Variants in CERS4 observed in about 807,000 individuals in gnomAD.
CERS4 encodes LAG1 homolog, ceramide synthase 4.
A neutral mutation model predicts 51.8 loss-of-function variants in CERS4; 65 were observed. The observed-to-expected ratio is 1.26, with a 90% CI of 1.03 to 1.54. CERS4 has a LOEUF of 1.54. CERS4 is among the 40% of genes most tolerant of loss of function. The probability of loss-of-function intolerance (pLI) is 0.00; values close to 1 mark genes in which losing one functional copy is unlikely to be tolerated. For synonymous variants in CERS4, 228 were observed against 208.4 expected, an observed-to-expected ratio of 1.09 and a Z score of -0.81; for missense variants, 563 against 500.4, an observed-to-expected ratio of 1.13 and a Z score of -1.19.
intron 2 of CERS4, among the ~76,000 whole-genome samples, chr19:8,228,886 T>C (rs1295804806): frequency 6.7e-6 from 1 of 148,772 alleles, no homozygotes; most frequent in African/African-American, 2.5e-5. Flanking sequence ...TAGCTGGGCA[T>C]AGGGGCACAT....
chr19:8,227,500 C>T (rs2145198928), intron 2 of CERS4, among the ~76,000 whole-genome samples: 1 of 151,996 alleles, frequency 6.6e-6, no homozygotes, highest in African/African-American at 2.4e-5. Flanking sequence ...GGCCACCACG[C>T]CTAGCTAATT....
At chr19:8,256,145 T>C in intron 6 of CERS4, 91 bp from the exon 7 acceptor site, 1 of 1,347,408 alleles carries the variant, frequency 7.4e-7, no homozygotes, top group South Asian at 1.3e-5. Context: ...AGCATCTATG[T>C]GACTGTGGAA....
At chr19:8,256,918 C>T (rs201571523) in intron 8 of CERS4, 31 bp from the exon 9 acceptor site, 3 of 1,613,904 alleles carry the variant, frequency 1.9e-6, no homozygotes, top group East Asian at 2.2e-5. Flanking sequence ...CATCAAGCCT[C>T]GTCCCCACTA....
chr19:8,218,162 A>G (rs568279638), intron 2 of CERS4, among the ~76,000 whole-genome samples: 1 of 151,678 alleles, frequency 6.6e-6, no homozygotes, highest in African/African-American at 2.4e-5. Context: ...ATGAGGTTTC[A>G]CCATATTGGC....
In CERS4 at chr19:8,210,284, C is replaced by T. The variant is rs1190494133; in HGVS notation, c.-158-422C>T. The stretch of plus-strand genomic sequence containing the variant: ...ACTTGGAAGGGGGCTTCTGGCTTGA[C>T]CTGGCTGGAAGGTGTGATAGGAAGT... On this transcript the variant is annotated intron_variant, in intron 1 of 11. Coordinates refer to ENST00000251363, the MANE Select transcript of CERS4 (RefSeq NM_024552.3). This position sits in a 1 kb window ranked among gnomAD's most constrained non-coding sequence, Gnocchi z 4.2. Among the ~76,000 whole-genome samples the T allele has an allele frequency of 6.6e-6, 1 of 152,140 alleles. No homozygotes were observed. The highest frequency in any genetic ancestry group is 1.5e-5 in the Non-Finnish European group (1 of 68,024).
At chr19:8,222,186 A>AT (rs1010978121) in intron 2 of CERS4, 9 of 136,780 alleles carry the variant, frequency 6.6e-5, no homozygotes, top group South Asian at 2.3e-4. Context: ...GGCCCTATTT[A>AT]TTTTTTTTTG....
At chr19:8,221,336 G>A (rs1384347116) in intron 2 of CERS4, among the ~76,000 whole-genome samples, 1 of 152,054 alleles carries the variant, frequency 6.6e-6, no homozygotes, top group Non-Finnish European at 1.5e-5. Context: ...TGGAGTGCCC[G>A]AGGGCCTGGG....
At chr19:8,209,533 GC>G (rs1171652044) in intron 1 of CERS4, 39 bp downstream of exon 1, 3 of 151,798 alleles carry the variant, frequency 2.0e-5, no homozygotes, top group African/African-American at 7.3e-5. Flanking sequence ...CGCCCCGAAC[GC>G]CACCCTCACG....
chr19:8,258,102 CAGG>C, intron 10 of CERS4, 117 bp downstream of exon 10: 2 of 805,146 alleles, frequency 2.5e-6, no homozygotes, highest in Non-Finnish European at 2.1e-6. Flanking sequence ...GGGAGAGTTC[CAGG>C]AGGAGGCAGG....
At chr19:8,215,519 G>C (rs1967263358) in intron 2 of CERS4, among the ~76,000 whole-genome samples, 1 of 151,796 alleles carries the variant, frequency 6.6e-6, no homozygotes, top group Non-Finnish European at 1.5e-5. Flanking sequence ...GTGTGTCTGG[G>C]GGATGGGCCA....
intron 2 of CERS4, among the ~76,000 whole-genome samples, chr19:8,243,067 G>A (rs1379755101): frequency 6.6e-6 from 1 of 151,680 alleles, no homozygotes; most frequent in Admixed American, 6.6e-5. Flanking sequence ...GGGTCTCTGA[G>A]AAAGCTGCAC....
chr19:8,219,084 G>C (rs1476180841), intron 2 of CERS4, among the ~76,000 whole-genome samples: 1 of 152,184 alleles, frequency 6.6e-6, no homozygotes, highest in Non-Finnish European at 1.5e-5. Context: ...GCGGGCGCCT[G>C]TATTCCCAGC....
At chr19:8,226,997 G>A (rs1266551263) in intron 2 of CERS4, among the ~76,000 whole-genome samples, 1 of 152,068 alleles carries the variant, frequency 6.6e-6, no homozygotes, top group Non-Finnish European at 1.5e-5. Context: ...ATGTGGTGGT[G>A]CATGCCTGTA....
intron 2 of CERS4, among the ~76,000 whole-genome samples, chr19:8,240,742 TCTG>T (rs1358399428): frequency 6.6e-6 from 1 of 152,108 alleles, no homozygotes; most frequent in South Asian, 2.1e-4. Flanking sequence ...ATAGCTCTGA[TCTG>T]CTGAGCAGTG....
rs1969265754 is a variant in CERS4, at chr19:8,254,517, G to C, written c.192G>C (p.Leu64=). 1 of 1,613,642 alleles carries C rather than the reference G, an allele frequency of 6.2e-7. No individual in the cohort carries two copies. Among genetic ancestry groups the C allele is most frequent in the Non-Finnish European group, 8.5e-7 (1 of 1,179,970 alleles). The change falls in exon 4 of 12, where the codon CTG becomes CTC. Residue 64 remains leucine (L), a synonymous_variant. Transcript: ENST00000251363. The part of the protein sequence containing the change: ...LAFERFIGLP[L]SRWLGVRDQT... The stretch of plus-strand genomic sequence containing the variant: ...CACCCAGATTCATTGGCCTGCCCCT[G>C]AGCCGGTGGCTGGGTGTGAGGGATC...
At position 8,245,123 on chromosome 19, in the gene CERS4, A is replaced by AAAACAAAAAAAAACAAAAAAAAAC. The variant is rs1568523481; in HGVS notation, c.-1-5950_-1-5949insCAAAAAAAAACAAAAAAAAACAAA. Among the ~76,000 whole-genome samples, 117 of 58,322 alleles carry AAAACAAAAAAAAACAAAAAAAAAC rather than the reference A, an allele frequency of 2.0e-3. 3 individuals are homozygous for AAAACAAAAAAAAACAAAAAAAAAC. The highest frequency in any genetic ancestry group is 9.6e-3 in the Middle Eastern group (1 of 104). 38.3% of individuals were successfully genotyped at this position (58,322 alleles called of 152,430 possible). A position where few individuals can be genotyped will look rare whatever the true frequency, so the allele number is the denominator to read the frequency against. ...CGAGACTCCATCTCAAAAAAAAAAA[A>AAAACAAAAAAAAACAAAAAAAAAC]AAAAAAAAAAAACACTCTTGGCTTC... On this transcript the variant is annotated intron_variant, in intron 2 of 11. Transcript: ENST00000251363.
chr19:8,260,812 G>T (rs1023083691), intron 10 of CERS4, among the ~76,000 whole-genome samples: 13 of 151,788 alleles, frequency 8.6e-5, no homozygotes, highest in Admixed American at 3.3e-4. Flanking sequence ...TTAGCTGGGC[G>T]TGGTGGCAGG....
rs75222334 is a variant in CERS4 at position 8,212,307 on chromosome 19, G to A, written c.-2+1445G>A. ...TGGTGGGGCTGGACCAGGTGAAGGCGTGGACGGGTGAGACTTGGGTGGATC... is the reference window on the plus strand; with the variant it reads ...TGGTGGGGCTGGACCAGGTGAAGGCATGGACGGGTGAGACTTGGGTGGATC... On this transcript the variant is annotated intron_variant, in intron 2 of 11. Coordinates refer to ENST00000251363, the MANE Select transcript of CERS4 (RefSeq NM_024552.3). 0.012 allele frequency among the ~76,000 whole-genome samples: 1,810 copies of A among 152,272 alleles called. 82 individuals are homozygous for A. In the East Asian group the frequency reaches 0.14, roughly 11 times the overall value.
intron 2 of CERS4, among the ~76,000 whole-genome samples, chr19:8,216,702 C>G (rs1908958674): frequency 6.6e-6 from 1 of 152,150 alleles, no homozygotes; most frequent in African/African-American, 2.4e-5. Flanking sequence ...CTTGTCTACT[C>G]TGTTCTCTGC....
Sources: allele counts gnomAD v4.1 joint callset (sites outside exome capture counted in the v4.1 genomes callset), GRCh38; gene constraint gnomAD v4.1.1; non-coding constraint Gnocchi (gnomAD v3.1); transcripts MANE v1.5; gene names NCBI Gene and HGNC (gene_info 2026-07-23, HGNC 2026-07-21).